Variants in KIFAP3 observed in about 807,000 individuals in gnomAD.
KIFAP3 encodes the protein kinesin-associated protein 3.
Under a neutral mutation model 106.5 loss-of-function variants are expected in KIFAP3, and 68 were observed. That is an observed-to-expected ratio of 0.64 (90% CI 0.53 to 0.78). KIFAP3 has a LOEUF of 0.78. Ranked by LOEUF, KIFAP3 falls within the 30% of genes least tolerant of loss-of-function variation. The pLI is 0.00. For missense variants in KIFAP3, 780 were observed against 941.8 expected (o/e 0.83, Z 2.25); for synonymous variants, 320 against 311.5 (o/e 1.03, Z -0.29).
chr1:170,059,743 T>G (rs1012049051), intron 1 of KIFAP3, among the ~76,000 whole-genome samples: 7 of 152,298 alleles, frequency 4.6e-5, no homozygotes, highest in African/African-American at 1.7e-4. Flanking sequence ...ATATCCCTGA[T>G]GAACATCGAT....
intron 2 of KIFAP3, among the ~76,000 whole-genome samples, chr1:170,051,818 C>A (rs1412932841): frequency 6.6e-6 from 1 of 152,048 alleles, no homozygotes; most frequent in Non-Finnish European, 1.5e-5. Context: ...GACAACATAC[C>A]AGAATCTCTG....
chr1:169,973,116 T>TATATATATATAC, intron 16 of KIFAP3, among the ~76,000 whole-genome samples: 1 of 139,952 alleles, frequency 7.1e-6, no homozygotes, highest in South Asian at 2.3e-4. Context: ...TATATATATA[T>TATATATATATAC]ATATATAAAC....
chr1:169,936,325 T>C lies in KIFAP3; in HGVS notation c.2274-14544A>G, dbSNP rs974936677. On this transcript the variant is annotated intron_variant, in intron 19 of 19. Transcript: ENST00000361580. Reference sequence around the variant, plus strand: ...ATTTATATAAAGCTCCTTGATAAAATGGTTCTCCCCAAACCTGTAATTATT... The same window carrying C: ...ATTTATATAAAGCTCCTTGATAAAACGGTTCTCCCCAAACCTGTAATTATT... 4.0e-5 allele frequency among the ~76,000 whole-genome samples: 6 copies of C among 151,806 alleles called. 1 individual carries two copies. Among genetic ancestry groups the C allele is most frequent in the Non-Finnish European group, 7.4e-5 (5 of 67,758 alleles).
At chr1:170,011,983 G>C (rs1197474943) in intron 10 of KIFAP3, among the ~76,000 whole-genome samples, 6 of 152,036 alleles carry the variant, frequency 3.9e-5, no homozygotes, top group Admixed American at 3.9e-4. Flanking sequence ...AGCAAAATCA[G>C]TTTCTTCAGA....
At position 169,976,884 on chromosome 1, in the gene KIFAP3, A is replaced by AT. The variant is rs541245637; in HGVS notation, c.1897+1200dup. On this transcript the variant is annotated intron_variant, in intron 16 of 19. Coordinates refer to ENST00000361580, the MANE Select transcript of KIFAP3 (RefSeq NM_014970.4). ...AGGCATGCATCACCAGGCCCAGCTC[A>AT]TATTTTATTTTTTTATTTTTAGTAG... Among the ~76,000 whole-genome samples, 18 of 152,056 alleles carry AT rather than the reference A, an allele frequency of 1.2e-4. No homozygotes were observed. The South Asian group carries it at 3.7e-3, about 32-fold the overall frequency.
chr1:170,063,880 G>A (rs1571760397), intron 1 of KIFAP3, among the ~76,000 whole-genome samples: 1 of 151,922 alleles, frequency 6.6e-6, no homozygotes, highest in East Asian at 1.9e-4. Flanking sequence ...TCAGATTAAG[G>A]CATCTATCCA....
At chr1:170,014,982 A>G (rs983698559) in intron 10 of KIFAP3, among the ~76,000 whole-genome samples, 1 of 152,198 alleles carries the variant, frequency 6.6e-6, no homozygotes, top group Non-Finnish European at 1.5e-5. Context: ...CCAAGGTCAC[A>G]TGGTTAGATG....
chr1:170,043,322 C>T (rs998118886), intron 3 of KIFAP3, among the ~76,000 whole-genome samples: 1 of 152,176 alleles, frequency 6.6e-6, no homozygotes, highest in South Asian at 2.1e-4. Context: ...AATGGTTATA[C>T]ATGATCCAGA....
chr1:169,960,441 G>C (rs16862854), intron 18 of KIFAP3, among the ~76,000 whole-genome samples: 1,761 of 152,098 alleles, frequency 0.012, 34 homozygotes, highest in African/African-American at 0.04. Context: ...ACCAATCTTT[G>C]TGTCAAACTC....
At chr1:169,922,986 T>G in intron 19 of KIFAP3, 2 of 407,102 alleles carry the variant, frequency 4.9e-6, no homozygotes, top group Non-Finnish European at 6.6e-6. Flanking sequence ...CGTGTGTGTG[T>G]TTGTGTGCAC....
chr1:170,015,316 T>C (rs1668448752), intron 10 of KIFAP3, among the ~76,000 whole-genome samples: 1 of 152,176 alleles, frequency 6.6e-6, no homozygotes, highest in South Asian at 2.1e-4. Context: ...AGGTGACACA[T>C]AATTATGTCA....
intron 19 of KIFAP3, among the ~76,000 whole-genome samples, chr1:169,933,326 A>G (rs568303574): frequency 8.0e-4 from 121 of 152,186 alleles, no homozygotes; most frequent in African/African-American, 2.9e-3. Flanking sequence ...ATCTCAGAAT[A>G]CTGTATAATA....
At chr1:170,055,631 C>T (rs1670807396) in intron 1 of KIFAP3, among the ~76,000 whole-genome samples, 195 bp from the exon 2 acceptor site, 1 of 151,796 alleles carries the variant, frequency 6.6e-6, no homozygotes, top group Non-Finnish European at 1.5e-5. Flanking sequence ...TGTATATATA[C>T]ACATATAAAT....
intron 10 of KIFAP3, among the ~76,000 whole-genome samples, chr1:169,994,660 A>G (rs1667286504): frequency 6.6e-6 from 1 of 152,034 alleles, no homozygotes; most frequent in Non-Finnish European, 1.5e-5. Flanking sequence ...TTGGAATACA[A>G]CATATACAGG....
intron 19 of KIFAP3, among the ~76,000 whole-genome samples, chr1:169,939,450 TAA>T (rs1425503837): frequency 1.3e-5 from 2 of 152,328 alleles, no homozygotes; most frequent in Admixed American, 6.5e-5. Flanking sequence ...AATCAAAAGT[TAA>T]GTTTGATAAT....
At chr1:169,953,807 C>T (rs1464015793) in intron 19 of KIFAP3, among the ~76,000 whole-genome samples, 10 of 152,226 alleles carry the variant, frequency 6.6e-5, no homozygotes, top group East Asian at 1.9e-4. Context: ...AGCCACCACA[C>T]GCGGCCTTGT....
At chr1:170,041,136 A>C (rs928546262) in intron 3 of KIFAP3, among the ~76,000 whole-genome samples, 1 of 152,146 alleles carries the variant, frequency 6.6e-6, no homozygotes, top group African/African-American at 2.4e-5. Flanking sequence ...TTTGCTTGTA[A>C]ATAAATTTAC....
At chr1:170,011,535 G>A (rs1221304094) in intron 10 of KIFAP3, among the ~76,000 whole-genome samples, 2 of 151,674 alleles carry the variant, frequency 1.3e-5, no homozygotes, top group African/African-American at 4.8e-5. Context: ...ATATTGACAT[G>A]TGAATATACA....
intron 11 of KIFAP3, among the ~76,000 whole-genome samples, chr1:169,988,610 T>C (rs490776): frequency 0.94 from 142,454 of 152,026 alleles, 66,826 homozygotes; most frequent in East Asian, 1. Context: ...ATTGATATTA[T>C]ATACATTACT....
Sources: gnomAD v4.1 joint callset for allele counts (sites outside exome capture counted in the v4.1 genomes callset) on GRCh38, gnomAD v4.1.1 for gene constraint, MANE v1.5 for transcripts, NCBI Gene and HGNC (gene_info 2026-07-23, HGNC 2026-07-21) for gene names.